Variants in ATP8A2 observed in about 807,000 individuals in gnomAD.
ATP8A2 encodes the protein phospholipid-transporting ATPase IB.
ATP8A2 carries 100 observed loss-of-function variants against 165.6 expected under a neutral mutation model. The ratio of observed to expected loss-of-function variants is 0.60; its 90% CI spans 0.51 to 0.71. The LOEUF (loss-of-function observed/expected upper bound fraction) is 0.71. Among genes scored for constraint, ATP8A2 ranks in the 30% least tolerant of loss-of-function variants. The probability of loss-of-function intolerance (pLI) is 0.00; values close to 1 mark genes in which losing one functional copy is unlikely to be tolerated. For synonymous variants in ATP8A2, 543 were observed against 548.8 expected, an observed-to-expected ratio of 0.99 and a Z score of 0.15; for missense variants, 1,227 against 1,479.5, an observed-to-expected ratio of 0.83 and a Z score of 2.80.
chr13:25,879,425 A>G (rs777179372), intron 33 of ATP8A2, among the ~76,000 whole-genome samples: 1 of 152,260 alleles, frequency 6.6e-6, no homozygotes, highest in Non-Finnish European at 1.5e-5. Flanking sequence ...CTTAATAAAC[A>G]GAAAAAGAAT....
At chr13:25,907,492 C>G (rs989155254) in intron 33 of ATP8A2, among the ~76,000 whole-genome samples, 2 of 152,204 alleles carry the variant, frequency 1.3e-5, no homozygotes, top group African/African-American at 4.8e-5. Flanking sequence ...TGGTCTTAGA[C>G]CTGTCTCTAT....
intron 1 of ATP8A2, among the ~76,000 whole-genome samples, chr13:25,456,879 G>A (rs547076956): frequency 5.5e-4 from 84 of 152,146 alleles, no homozygotes; most frequent in African/African-American, 2.0e-3. Flanking sequence ...CTTAAACAGG[G>A]GTGTCCAATC....
intron 33 of ATP8A2, among the ~76,000 whole-genome samples, chr13:25,949,399 T>C (rs1037283978): frequency 1.3e-5 from 2 of 152,176 alleles, no homozygotes; most frequent in Non-Finnish European, 2.9e-5. Flanking sequence ...ACGCTAATAG[T>C]CTGAATTATC....
intron 20 of ATP8A2, 43 bp downstream of exon 20, chr13:25,577,181 GCTTT>G: frequency 6.5e-7 from 1 of 1,533,958 alleles, no homozygotes; most frequent in Non-Finnish European, 9.0e-7. Context: ...GTTCTTGGCA[GCTTT>G]GTTAATCTGC....
chr13:25,591,835 C>T (rs2040089315), intron 24 of ATP8A2, among the ~76,000 whole-genome samples: 1 of 152,120 alleles, frequency 6.6e-6, no homozygotes, highest in African/African-American at 2.4e-5. Context: ...AATAGTGCTG[C>T]TATAAATGTG....
rs564718210 is a variant in ATP8A2, at chr13:25,860,968, C to G, written c.3075+108C>G. On this transcript the variant is annotated intron_variant, in intron 32 of 36. Coordinates refer to ENST00000381655, the MANE Select transcript of ATP8A2 (RefSeq NM_016529.6). ...TAAGCAATATCTGGCTATCTTCTTT[C>G]AGATTTTCTGTGTAAAAATTGTGGT... is the stretch of plus-strand genomic sequence containing the variant. The G allele has an allele frequency of 2.1e-5, 16 of 774,376 alleles. No individual in the cohort carries two copies. In the African/African-American group the frequency reaches 2.3e-4, roughly 11 times the overall value. The allele number at this position is 774,376 out of a possible 1,614,324, so 48.0% of individuals were successfully genotyped here.
intron 24 of ATP8A2, among the ~76,000 whole-genome samples, chr13:25,633,695 G>C (rs2041301560): frequency 6.6e-6 from 1 of 152,248 alleles, no homozygotes; most frequent in South Asian, 2.1e-4. Context: ...TTATAGGGAG[G>C]CTGGACGTGG....
rs1237599701 is a variant in ATP8A2 at position 25,559,777 on chromosome 13, C to G, written c.1397+12C>G. On this transcript the variant is annotated intron_variant, in intron 15 of 36. Coordinates refer to ENST00000381655, the MANE Select transcript of ATP8A2 (RefSeq NM_016529.6). ...TCAGATGACTTCTGGTAAGTAGATT[C>G]TAGCACTTCTTGACACTTTAGTGGA... 1 of 1,597,924 alleles carries G rather than the reference C, an allele frequency of 6.3e-7. No homozygotes were observed. The highest frequency in any genetic ancestry group is 8.6e-7 in the Non-Finnish European group (1 of 1,165,662).
At chr13:25,995,136 A>G (rs1187083401) in intron 35 of ATP8A2, among the ~76,000 whole-genome samples, 2 of 151,758 alleles carry the variant, frequency 1.3e-5, no homozygotes, top group Admixed American at 6.6e-5. Context: ...GTATCCTACA[A>G]TTATCTTTTT....
intron 24 of ATP8A2, among the ~76,000 whole-genome samples, chr13:25,661,048 C>T (rs190629018): frequency 1.3e-5 from 2 of 152,248 alleles, no homozygotes; most frequent in East Asian, 3.9e-4. Flanking sequence ...AATGATGGCC[C>T]ATTTGTGTCT....
intron 30 of ATP8A2, among the ~76,000 whole-genome samples, chr13:25,849,811 A>T (rs954811773): frequency 6.6e-6 from 1 of 152,226 alleles, no homozygotes; most frequent in Non-Finnish European, 1.5e-5. Flanking sequence ...TCCTGGAGCC[A>T]CACATAACAC....
chr13:25,996,016 A>G (rs1185421786), intron 35 of ATP8A2, among the ~76,000 whole-genome samples: 2 of 152,114 alleles, frequency 1.3e-5, no homozygotes, highest in Admixed American at 6.5e-5. Context: ...TCCTTTTGTC[A>G]TTGCATAATG....
At chr13:25,470,612 C>T (rs1463551043) in intron 2 of ATP8A2, among the ~76,000 whole-genome samples, 4 of 152,192 alleles carry the variant, frequency 2.6e-5, no homozygotes, top group Admixed American at 1.3e-4. Flanking sequence ...CCTGGGTAAT[C>T]TGCCCGAGAG....
At chr13:25,859,643 C>T (rs956760301) in intron 30 of ATP8A2, among the ~76,000 whole-genome samples, 1 of 152,060 alleles carries the variant, frequency 6.6e-6, no homozygotes, top group Non-Finnish European at 1.5e-5. Flanking sequence ...CATTGGAGTG[C>T]TTGCGTTCCC....
intron 26 of ATP8A2, among the ~76,000 whole-genome samples, chr13:25,770,329 A>G (rs1230931835): frequency 6.6e-6 from 1 of 151,956 alleles, no homozygotes; most frequent in Non-Finnish European, 1.5e-5. Flanking sequence ...CCTGCACTTG[A>G]TGGATCAGCT....
chr13:25,440,344 A>G (rs1482915638), intron 1 of ATP8A2, among the ~76,000 whole-genome samples: 1 of 151,936 alleles, frequency 6.6e-6, no homozygotes, highest in African/African-American at 2.4e-5. Context: ...TTCCTTTGCT[A>G]ATTTGGTAGG....
intron 35 of ATP8A2, among the ~76,000 whole-genome samples, chr13:26,010,765 C>T (rs550272711): frequency 5.3e-5 from 8 of 152,282 alleles, no homozygotes; most frequent in South Asian, 2.1e-4. Context: ...AAAGAGGAGA[C>T]GGGAGGGAGG....
Position 25,470,559 on chromosome 13 carries a change from A to T in ATP8A2, c.221+1438A>T, listed in dbSNP as rs572117232. ...TGGAAAACAGTTTGGTAGTTCTTCA[A>T]AAGGTTCAATGTAAAGTTACCATAT... On this transcript the variant is annotated intron_variant, in intron 2 of 36. Transcript: ENST00000381655. Among the ~76,000 whole-genome samples the T allele has an allele frequency of 3.8e-4, 58 of 152,364 alleles. No individual in the cohort carries two copies. In the South Asian group the frequency reaches 0.012, roughly 30 times the overall value.
At chr13:25,375,260 C>G (rs2032576682) in intron 1 of ATP8A2, among the ~76,000 whole-genome samples, 1 of 152,194 alleles carries the variant, frequency 6.6e-6, no homozygotes, top group Non-Finnish European at 1.5e-5. Flanking sequence ...AGAGACAGAG[C>G]AGGGAACACA....
Sources: gnomAD v4.1 joint callset for allele counts (sites outside exome capture counted in the v4.1 genomes callset) on GRCh38, gnomAD v4.1.1 for gene constraint, MANE v1.5 for transcripts, NCBI Gene and HGNC (gene_info 2026-07-23, HGNC 2026-07-21) for gene names.